DNAH14: variants seen among roughly 807,000 people sequenced by gnomAD.
DNAH14 encodes the protein axonemal beta dynein heavy chain 14.
DNAH14 carries 478 observed loss-of-function variants against 520.9 expected under a neutral mutation model. The observed-to-expected ratio is 0.92, with a 90% CI of 0.85 to 0.99. The LOEUF is 0.99. DNAH14 is among the 50% of genes least tolerant of loss of function. The pLI, the probability that DNAH14 is intolerant of heterozygous loss-of-function variation, is 0.00. For missense variants in DNAH14, 4,831 were observed against 5,234.5 expected (o/e 0.92, Z 2.38); for synonymous variants, 1,581 against 1,757.2 (o/e 0.90, Z 2.51).
intron 10 of DNAH14, among the ~76,000 whole-genome samples, chr1:225,009,137 CT>C (rs1478697193): frequency 6.6e-6 from 1 of 152,122 alleles, no homozygotes; most frequent in Non-Finnish European, 1.5e-5. Flanking sequence ...TCAATTTTGG[CT>C]TTTGTTGCCA....
intron 17 of DNAH14, among the ~76,000 whole-genome samples, chr1:225,078,878 C>G (rs2072744406): frequency 7.9e-6 from 1 of 126,006 alleles, no homozygotes; most frequent in Non-Finnish European, 1.6e-5. Flanking sequence ...CTCTCTCTCT[C>G]TCTCTCTCTC....
chr1:225,110,453 T>C (rs974244914), intron 23 of DNAH14, among the ~76,000 whole-genome samples: 1 of 152,124 alleles, frequency 6.6e-6, no homozygotes, highest in African/African-American at 2.4e-5. Context: ...ATCTTCCAAT[T>C]TATTGGCATA....
In DNAH14 at chr1:225,335,285, A is replaced by G. The variant is rs1227966365; in HGVS notation, c.10080+1779A>G. ...ATATACACGTGTACATTGTGTGTAT[A>G]TGCACATATACACATGTGTACACGT... On this transcript the variant is annotated intron_variant, in intron 66 of 85. Transcript: ENST00000682510. Among the ~76,000 whole-genome samples the G allele has an allele frequency of 2.1e-5, 3 of 141,092 alleles. 1 individual carries two copies. The highest frequency in any genetic ancestry group is 3.1e-5 in the Non-Finnish European group (2 of 64,398). The allele number at this position is 141,092 out of a possible 152,430, so 92.6% of individuals were successfully genotyped here.
intron 77 of DNAH14, among the ~76,000 whole-genome samples, chr1:225,374,268 A>ATTTTTTTT (rs1251520339): frequency 2.8e-4 from 14 of 49,870 alleles, no homozygotes; most frequent in African/African-American, 5.3e-4. Context: ...ATATATATAT[A>ATTTTTTTT]TATTTTTTTT....
intron 8 of DNAH14, among the ~76,000 whole-genome samples, chr1:224,999,796 A>G (rs534828552): frequency 2.2e-4 from 33 of 152,170 alleles, no homozygotes; most frequent in African/African-American, 6.5e-4. Context: ...CTGATGTTAT[A>G]ATTTTATCAG....
chr1:225,354,001 T>C, intron 73 of DNAH14, 113 bp downstream of exon 73: 6 of 703,088 alleles, frequency 8.5e-6, no homozygotes, highest in South Asian at 3.6e-5. Flanking sequence ...TTAAAGTACA[T>C]TTCGTGAACG....
At chr1:225,119,091 C>A in intron 25 of DNAH14, 129 bp from the exon 26 acceptor site, 1 of 529,026 alleles carries the variant, frequency 1.9e-6, no homozygotes, top group Non-Finnish European at 3.1e-6. Flanking sequence ...AACCAAAAGG[C>A]AGTAGTAGTC....
At position 225,360,836 on chromosome 1, in the gene DNAH14, C is replaced by T; in HGVS notation, c.11932C>T (p.Gln3978Ter). The change falls in exon 75 of 86, where the codon CAG becomes TAG. Residue 3978 changes from glutamine (Q) to a stop codon, truncating the protein, a stop_gained. Transcript: ENST00000682510. LOFTEE classifies it high-confidence loss of function. Reference sequence around the variant, plus strand: ...AAAAACACAACAATGGGTCTTCCTCCAGAACTGCCATCTTGCAACATCATT... The same window carrying T: ...AAAAACACAACAATGGGTCTTCCTCTAGAACTGCCATCTTGCAACATCATT... ...LTKTQQWVFL[Q>*]NCHLATSFMP... 6.4e-7 allele frequency: 1 copy of T among 1,551,694 alleles called. No individual in the cohort carries two copies. Among genetic ancestry groups the T allele is most frequent in the East Asian group, 2.4e-5 (1 of 40,922 alleles).
intron 1 of DNAH14, among the ~76,000 whole-genome samples, chr1:224,940,379 A>T (rs1207030648): frequency 3.3e-5 from 5 of 152,146 alleles, no homozygotes; most frequent in Non-Finnish European, 7.3e-5. Context: ...TGATGAGTGG[A>T]GTAGCATCCA....
chr1:225,132,210 CT>C (rs1409719724), intron 27 of DNAH14, among the ~76,000 whole-genome samples: 1 of 150,896 alleles, frequency 6.6e-6, no homozygotes, highest in African/African-American at 2.4e-5. Flanking sequence ...TTTTCATCAA[CT>C]TTTATTTTAA....
chr1:224,990,277 G>A (rs1325905477), intron 8 of DNAH14, among the ~76,000 whole-genome samples: 5 of 152,100 alleles, frequency 3.3e-5, no homozygotes, highest in African/African-American at 7.2e-5. Context: ...AATCAAGCTA[G>A]TTAACATATT....
At chr1:225,195,541 C>T (rs1271242984) in intron 38 of DNAH14, among the ~76,000 whole-genome samples, 1 of 151,528 alleles carries the variant, frequency 6.6e-6, no homozygotes, top group Non-Finnish European at 1.5e-5. Flanking sequence ...CAAAAAACTA[C>T]CTATTGGATA....
At chr1:225,319,672 A>G (rs1414874636) in intron 61 of DNAH14, among the ~76,000 whole-genome samples, 3 of 152,154 alleles carry the variant, frequency 2.0e-5, no homozygotes, top group Admixed American at 6.5e-5. Context: ...CCTCATTCTT[A>G]TGCACTCAAT....
intron 10 of DNAH14, among the ~76,000 whole-genome samples, chr1:225,014,437 G>T (rs1485206480): frequency 6.6e-6 from 1 of 151,694 alleles, no homozygotes; most frequent in East Asian, 1.9e-4. Flanking sequence ...TTTTAATGTA[G>T]GCACTTATTG....
chr1:225,337,763 T>C (rs2095088642), intron 67 of DNAH14, among the ~76,000 whole-genome samples: 1 of 152,178 alleles, frequency 6.6e-6, no homozygotes, highest in African/African-American at 2.4e-5. Context: ...TATATAGTTA[T>C]GGGGTACATA....
At chr1:225,392,650 GATC>G (rs796539868) in intron 84 of DNAH14, among the ~76,000 whole-genome samples, 199 bp downstream of exon 84, 26 of 152,242 alleles carry the variant, frequency 1.7e-4, no homozygotes, top group African/African-American at 6.0e-4. Context: ...GGGGATAAAA[GATC>G]ATAAATCATG....
At chr1:225,161,834 G>T (rs1232601023) in intron 35 of DNAH14, among the ~76,000 whole-genome samples, 1 of 152,062 alleles carries the variant, frequency 6.6e-6, no homozygotes, top group Admixed American at 6.6e-5. Flanking sequence ...CAAATCTTTT[G>T]TCCACTTTTT....
intron 9 of DNAH14, among the ~76,000 whole-genome samples, chr1:225,005,525 T>C (rs1473772452): frequency 2.6e-5 from 4 of 152,138 alleles, no homozygotes; most frequent in East Asian, 1.9e-4. Context: ...TTAATTAGGA[T>C]GTCATCAGTA....
At chr1:225,245,884 A>G (rs1479327788) in intron 43 of DNAH14, among the ~76,000 whole-genome samples, 1 of 152,184 alleles carries the variant, frequency 6.6e-6, no homozygotes, top group East Asian at 1.9e-4. Context: ...TTTAAATTTC[A>G]TATGGAACCA....
Sources: gnomAD v4.1 joint callset for allele counts (sites outside exome capture counted in the v4.1 genomes callset) on GRCh38, gnomAD v4.1.1 for gene constraint, MANE v1.5 for transcripts, NCBI Gene and HGNC (gene_info 2026-07-23, HGNC 2026-07-21) for gene names.